The following USP19 variants were observed in gnomAD, a reference collection of about 807,000 sequenced individuals.
USP19 encodes the protein ubiquitin carboxyl-terminal hydrolase 19.
In USP19, 40 loss-of-function variants were observed where a neutral mutation model predicts 144.8. The ratio of observed to expected loss-of-function variants is 0.28; its 90% CI spans 0.21 to 0.36. USP19 has a LOEUF of 0.36. USP19 is among the 10% of genes least tolerant of loss of function. USP19 has a pLI of 1.00. For synonymous variants in USP19, 701 were observed against 709.3 expected, an observed-to-expected ratio of 0.99 and a Z score of 0.19; for missense variants, 1,518 against 1,822.5, an observed-to-expected ratio of 0.83 and a Z score of 3.04.
chr3:49,115,543 G>C lies in USP19; in HGVS notation c.1789C>G (p.Pro597Ala), dbSNP rs778857806. The C allele has an allele frequency of 6.2e-7, 1 of 1,614,152 alleles. No homozygotes were observed. The highest frequency in any genetic ancestry group is 8.5e-7 in the Non-Finnish European group (1 of 1,180,032). Residue 597 changes from proline (P) to alanine (A), a missense_variant, in exon 12 of 27, where the codon CCA becomes GCA. Physicochemically the swap from Pro to Ala is conservative, Grantham distance 27. This residue lies in a region of USP19 where 158 missense variants were observed against 277.3 expected (regional missense o/e 0.57). Coordinates refer to ENST00000417901, the MANE Select transcript of USP19 (RefSeq NM_001199161.2). This position sits in a 1 kb window ranked among gnomAD's most constrained non-coding sequence, Gnocchi z 6.6. ...AAATTGACAAGGCCAGTGAAGCCTG[G>C]CAGACACACCTTCTTCTCTTCCTCT... ...EEEEEKKVCLPGFTGLVNLGN... is the reference protein window; with the variant it reads ...EEEEEKKVCLAGFTGLVNLGN...
Position 49,116,441 on chromosome 3 carries a change from A to T in USP19, c.1283+10T>A. 1 of 1,614,108 alleles carries T rather than the reference A, an allele frequency of 6.2e-7. No individual in the cohort carries two copies. Among genetic ancestry groups the T allele is most frequent in the Non-Finnish European group, 8.5e-7 (1 of 1,179,978 alleles). On this transcript the variant is annotated intron_variant, in intron 8 of 26. Coordinates refer to ENST00000417901, the MANE Select transcript of USP19 (RefSeq NM_001199161.2). This position sits in a 1 kb window ranked among gnomAD's most constrained non-coding sequence, Gnocchi z 5.0. ...TGAGGCATTGTTTGCCCCATCATCT[A>T]CCCACCCACCTGGTCTGGAAGATGA...
At position 49,108,638 on chromosome 3, in the gene USP19, G is replaced by A. The variant is rs1300355808; in HGVS notation, c.4039-110C>T. ...CCCAAGGGAGGGTCCCAAGGCAGGC[G>A]CAGACAGCAGCGGCGTTGAGACAGA... On this transcript the variant is annotated intron_variant, in intron 26 of 26. Coordinates refer to ENST00000417901, the MANE Select transcript of USP19 (RefSeq NM_001199161.2). The surrounding 1 kb of genome is among the most constrained non-coding windows in gnomAD (Gnocchi z 4.8). 1.6e-5 allele frequency: 20 copies of A among 1,256,294 alleles called. No homozygotes were observed. The highest frequency in any genetic ancestry group is 9.3e-5 in the African/African-American group (6 of 64,466). The allele number at this position is 1,256,294 out of a possible 1,614,324, so 77.8% of individuals were successfully genotyped here. A position where few individuals can be genotyped will look rare whatever the true frequency, so the allele number is the denominator to read the frequency against.
Position 49,111,440 on chromosome 3 carries a change from G to T in USP19, c.3217+60C>A. The stretch of plus-strand genomic sequence containing the variant: ...CAGGCCCACCAGGCCCTAAACAACA[G>T]CCCCCTCCATCCTCCCTTATCCTCC... On this transcript the variant is annotated intron_variant, in intron 21 of 26. Transcript: ENST00000417901. The surrounding 1 kb of genome is among the most constrained non-coding windows in gnomAD (Gnocchi z 5.9). 6.2e-7 allele frequency: 1 copy of T among 1,612,956 alleles called. No individual in the cohort carries two copies. The highest frequency in any genetic ancestry group is 2.2e-5 in the East Asian group (1 of 44,870).
rs1291000592 is a variant in USP19, at chr3:49,117,633, T to A, written c.472+24A>T. 1.2e-6 allele frequency: 2 copies of A among 1,614,080 alleles called. No homozygotes were observed. Among genetic ancestry groups the A allele is most frequent in the South Asian group, 2.2e-5 (2 of 91,082 alleles). ...ATATCAGAAGATTCAAACATACTACTGTGCTCAGGGCAGATGGACACACCT... is the reference window on the plus strand; with the variant it reads ...ATATCAGAAGATTCAAACATACTACAGTGCTCAGGGCAGATGGACACACCT... On this transcript the variant is annotated intron_variant, in intron 4 of 26. Transcript: ENST00000417901. This position sits in a 1 kb window ranked among gnomAD's most constrained non-coding sequence, Gnocchi z 4.4.
chr3:49,117,755 T>A lies in USP19; in HGVS notation c.374A>T (p.Glu125Val). 6.2e-7 allele frequency: 1 copy of A among 1,614,156 alleles called. No homozygotes were observed. Among genetic ancestry groups the A allele is most frequent in the Non-Finnish European group, 8.5e-7 (1 of 1,180,024 alleles). Residue 125 changes from glutamate to valine, a missense_variant, in exon 4 of 27, where the codon GAA becomes GTA. Around this residue, in one of 5 missense-constraint regions of USP19, gnomAD observed 707 missense variants for 728.9 expected, o/e 0.97. Transcript: ENST00000417901. This position sits in a 1 kb window ranked among gnomAD's most constrained non-coding sequence, Gnocchi z 4.4. ...CACACGAAGCTTGACAATCACCTCTTCTGCACTCTGCCTCCAATCGAGCAA... is the reference window on the plus strand; with the variant it reads ...CACACGAAGCTTGACAATCACCTCTACTGCACTCTGCCTCCAATCGAGCAA... ...ELLLDWRQSA[E>V]EVIVKLRVGV...
intron 17 of USP19, among the ~76,000 whole-genome samples, chr3:49,113,609 T>C (rs895300538): frequency 1.3e-5 from 2 of 150,820 alleles, no homozygotes; most frequent in East Asian, 1.9e-4. Context: ...TTTATTTATT[T>C]ATTTTTGAGA....
Position 49,112,707 on chromosome 3 carries a change from G to A in USP19, c.2506-78C>T, listed in dbSNP as rs1239668951. The A allele has an allele frequency of 6.5e-7, 1 of 1,545,250 alleles. No homozygotes were observed. The highest frequency in any genetic ancestry group is 2.3e-5 in the East Asian group (1 of 43,942). Reference sequence around the variant, plus strand: ...CCTGCCCCAGAGTTTAAGAAGGCTTGGCCCTGCCTTGGGTCTATGTGGGCA... The same window carrying A: ...CCTGCCCCAGAGTTTAAGAAGGCTTAGCCCTGCCTTGGGTCTATGTGGGCA... On this transcript the variant is annotated intron_variant, in intron 17 of 26. Transcript: ENST00000417901. The surrounding 1 kb of genome is among the most constrained non-coding windows in gnomAD (Gnocchi z 4.9).
At position 49,112,688 on chromosome 3, in the gene USP19, C is replaced by T; in HGVS notation, c.2506-59G>A. ...GATAAGCCCTTTCCCTAGCCCTGCC[C>T]CAGAGTTTAAGAAGGCTTGGCCCTG... On this transcript the variant is annotated intron_variant, in intron 17 of 26. Coordinates refer to ENST00000417901, the MANE Select transcript of USP19 (RefSeq NM_001199161.2). The surrounding 1 kb of genome is among the most constrained non-coding windows in gnomAD (Gnocchi z 4.9). 1 of 1,565,770 alleles carries T rather than the reference C, an allele frequency of 6.4e-7. No individual in the cohort carries two copies. The highest frequency in any genetic ancestry group is 8.7e-7 in the Non-Finnish European group (1 of 1,151,396).
chr3:49,108,880 G>T lies in USP19; in HGVS notation c.4039-352C>A. The T allele has an allele frequency of 1.3e-6, 2 of 1,515,008 alleles. No homozygotes were observed. The highest frequency in any genetic ancestry group is 1.8e-6 in the Non-Finnish European group (2 of 1,132,000). The allele number at this position is 1,515,008 out of a possible 1,614,324, so 93.8% of individuals were successfully genotyped here. ...CATAAGCTGAGGCCCAAAGCCCAGA[G>T]GTGTTCCCCACAACAAAGGCAGGCA... On this transcript the variant is annotated intron_variant, in intron 26 of 26. Coordinates refer to ENST00000417901, the MANE Select transcript of USP19 (RefSeq NM_001199161.2). The surrounding 1 kb of genome is among the most constrained non-coding windows in gnomAD (Gnocchi z 4.8).
chr3:49,115,373 A>G lies in USP19; in HGVS notation c.1889-12T>C, dbSNP rs1009587088. The G allele has an allele frequency of 1.2e-6, 2 of 1,613,866 alleles. No homozygotes were observed. The highest frequency in any genetic ancestry group is 1.7e-6 in the Non-Finnish European group (2 of 1,179,882). ...CTCAAAGGAGCGGTCTAGGAATAGT[A>G]GCCGAGCAAAGGTGTGAGGAACAAA... On this transcript the variant is annotated splice_polypyrimidine_tract_variant and intron_variant, in intron 12 of 26. Coordinates refer to ENST00000417901, the MANE Select transcript of USP19 (RefSeq NM_001199161.2). The surrounding 1 kb of genome is among the most constrained non-coding windows in gnomAD (Gnocchi z 6.6).
At chr3:49,109,838 G>A (rs1242491888) in intron 26 of USP19, among the ~76,000 whole-genome samples, 2 of 152,216 alleles carry the variant, frequency 1.3e-5, no homozygotes, top group Non-Finnish European at 2.9e-5. Context: ...GAGGGTGTGT[G>A]GGCCAGCATG....
chr3:49,115,734 T>C lies in USP19; in HGVS notation c.1682A>G (p.His561Arg), dbSNP rs538204257. ...CCCCAGAATTCTCACCGAGGCCAGG[T>C]GTGTCTCTGGCTTTGGGGTTACATG... The part of the protein sequence containing the change: ...MEHVTPKPET[H>R]LASPKPTCMV... The change falls in exon 11 of 27, where the codon CAC becomes CGC. Residue 561 changes from histidine to arginine, a missense_variant. Coordinates refer to ENST00000417901, the MANE Select transcript of USP19 (RefSeq NM_001199161.2). The surrounding 1 kb of genome is among the most constrained non-coding windows in gnomAD (Gnocchi z 6.6). 6.2e-7 allele frequency: 1 copy of C among 1,610,212 alleles called. No homozygotes were observed. The highest frequency in any genetic ancestry group is 2.2e-5 in the East Asian group (1 of 44,780).
chr3:49,110,874 C>T lies in USP19; in HGVS notation c.3546-11G>A, dbSNP rs1432135983. ...CACTGTGGGCAGTACCTGGTGGGGACAGAGATTGGGTCAGGACCAGCAAGT... is the reference window on the plus strand; with the variant it reads ...CACTGTGGGCAGTACCTGGTGGGGATAGAGATTGGGTCAGGACCAGCAAGT... On this transcript the variant is annotated splice_polypyrimidine_tract_variant and intron_variant, in intron 23 of 26. Transcript: ENST00000417901. This position sits in a 1 kb window ranked among gnomAD's most constrained non-coding sequence, Gnocchi z 6.1. The T allele has an allele frequency of 6.2e-7, 1 of 1,614,128 alleles. No homozygotes were observed. Among genetic ancestry groups the T allele is most frequent in the Non-Finnish European group, 8.5e-7 (1 of 1,180,006 alleles).
chr3:49,114,356 C>A lies in USP19; in HGVS notation c.2293-72G>T. 1 of 1,455,856 alleles carries A rather than the reference C, an allele frequency of 6.9e-7. No homozygotes were observed. The highest frequency in any genetic ancestry group is 9.5e-7 in the Non-Finnish European group (1 of 1,053,868). 90.2% of individuals were successfully genotyped at this position (1,455,856 alleles called of 1,614,324 possible). Reference sequence around the variant, plus strand: ...ATAAGATGCTCATGCTCAGAGAGCCCATTCCGGGGCTTCTGATGGCTCTCA... The same window carrying A: ...ATAAGATGCTCATGCTCAGAGAGCCAATTCCGGGGCTTCTGATGGCTCTCA... On this transcript the variant is annotated intron_variant, in intron 15 of 26. Transcript: ENST00000417901. This position sits in a 1 kb window ranked among gnomAD's most constrained non-coding sequence, Gnocchi z 4.5.
At position 49,117,023 on chromosome 3, in the gene USP19, C is replaced by A. The variant is rs1006393164; in HGVS notation, c.909+36G>T. ...CACTCCAGTGCACACCCTTTCCCCC[C>A]ATCTCCTAACACCCAAACAGGTGCC... On this transcript the variant is annotated intron_variant, in intron 6 of 26. Coordinates refer to ENST00000417901, the MANE Select transcript of USP19 (RefSeq NM_001199161.2). This position sits in a 1 kb window ranked among gnomAD's most constrained non-coding sequence, Gnocchi z 4.4. 1.3e-6 allele frequency: 2 copies of A among 1,531,664 alleles called. No homozygotes were observed. The highest frequency in any genetic ancestry group is 2.4e-5 in the East Asian group (1 of 41,594). The allele number at this position is 1,531,664 out of a possible 1,614,324, so 94.9% of individuals were successfully genotyped here.
At position 49,115,258 on chromosome 3, in the gene USP19, G is replaced by A. The variant is rs995148031; in HGVS notation, c.1992C>T (p.Thr664=). ...ACTTGGAAGGCTGGAAGGCATGGTG[G>A]GTGCCCTTCCACAGCGCCCGAAGCA... The part of the protein sequence containing the change: ...AVLLRALWKG[T]HHAFQPSKLK... The change falls in exon 13 of 27, where the codon ACC becomes ACT. Residue 664 remains threonine (T), a synonymous_variant. Transcript: ENST00000417901. The surrounding 1 kb of genome is among the most constrained non-coding windows in gnomAD (Gnocchi z 6.6). The A allele has an allele frequency of 4.3e-6, 7 of 1,613,952 alleles. No individual in the cohort carries two copies. In the African/African-American group the frequency reaches 9.3e-5, roughly 22 times the overall value.
In USP19 at chr3:49,115,882, G is replaced by T. The variant is rs1242657943; in HGVS notation, c.1534C>A (p.Pro512Thr). 1 of 1,595,356 alleles carries T rather than the reference G, an allele frequency of 6.3e-7. No homozygotes were observed. The highest frequency in any genetic ancestry group is 8.5e-7 in the Non-Finnish European group (1 of 1,171,582). ...GTCAGGGGGTGGGGAGCACCTCCTG[G>T]TGGGGTTGAATCCAGAGGGGTTGGA... ...TGPTPLDSTP[P>T]GGAPHPLTGQ... Residue 512 changes from proline (P) to threonine (T), a missense_variant, in exon 11 of 27, where the codon CCA becomes ACA. Physicochemically the swap from Pro to Thr is conservative, Grantham distance 38. Around this residue, in one of 5 missense-constraint regions of USP19, gnomAD observed 707 missense variants for 728.9 expected, o/e 0.97. Coordinates refer to ENST00000417901, the MANE Select transcript of USP19 (RefSeq NM_001199161.2). The surrounding 1 kb of genome is among the most constrained non-coding windows in gnomAD (Gnocchi z 6.6).
chr3:49,116,707 C>A lies in USP19; in HGVS notation c.1126+20G>T. ...TTTGCAACCCAACCTAGGGCTCTGC[C>A]TGCCCACCCCCACCTTTACCATCCA... On this transcript the variant is annotated intron_variant, in intron 7 of 26. Transcript: ENST00000417901. This position sits in a 1 kb window ranked among gnomAD's most constrained non-coding sequence, Gnocchi z 5.0. The A allele has an allele frequency of 6.2e-7, 1 of 1,607,458 alleles. No homozygotes were observed. Among genetic ancestry groups the A allele is most frequent in the Non-Finnish European group, 8.5e-7 (1 of 1,175,962 alleles).
chr3:49,109,782 T>C (rs373945850), intron 26 of USP19, among the ~76,000 whole-genome samples: 11 of 152,184 alleles, frequency 7.2e-5, no homozygotes, highest in African/African-American at 1.9e-4. Flanking sequence ...CCAGCCCAAA[T>C]AGGCCTTGTC....
Sources: allele counts gnomAD v4.1 joint callset (sites outside exome capture counted in the v4.1 genomes callset), GRCh38; gene constraint gnomAD v4.1.1; regional missense constraint gnomAD v4.1.1; non-coding constraint Gnocchi (gnomAD v3.1); transcripts MANE v1.5; gene names NCBI Gene and HGNC (gene_info 2026-07-23, HGNC 2026-07-21).